Variants in ACOT7 observed in about 807,000 individuals in gnomAD.
The protein encoded by ACOT7 is acyl-CoA thioesterase 7.
Under a neutral mutation model 40.2 loss-of-function variants are expected in ACOT7, and 12 were observed. The ratio of observed to expected loss-of-function variants is 0.30; its 90% CI spans 0.19 to 0.48. The LOEUF is 0.48. ACOT7 is among the 20% of genes least tolerant of loss of function. The pLI, the probability that ACOT7 is intolerant of heterozygous loss-of-function variation, is 0.99. For synonymous variants in ACOT7, 228 were observed against 219.5 expected, an observed-to-expected ratio of 1.04 and a Z score of -0.34; for missense variants, 395 against 530.8, an observed-to-expected ratio of 0.74 and a Z score of 2.51.
Position 6,393,560 on chromosome 1 carries a change from G to T in ACOT7, c.-161C>A. ...AAGGCTGCAGAGAGCTCGCGCGGGC[G>T]TACGATTCTGGCGGCGTGGGGGCCC... On this transcript the variant is annotated 5_prime_UTR_variant, in exon 1 of 9. Coordinates refer to ENST00000361521, the MANE Select transcript of ACOT7 (RefSeq NM_007274.4). 1.7e-6 allele frequency: 1 copy of T among 594,810 alleles called. No homozygotes were observed. Among genetic ancestry groups the T allele is most frequent in the Non-Finnish European group, 2.4e-6 (1 of 419,936 alleles). The allele number at this position is 594,810 out of a possible 1,614,324, so 36.8% of individuals were successfully genotyped here.
intron 5 of ACOT7, among the ~76,000 whole-genome samples, chr1:6,319,478 C>T (rs893011132): frequency 2.0e-5 from 3 of 152,256 alleles, no homozygotes; most frequent in African/African-American, 7.2e-5. Flanking sequence ...CAGGCGTGAA[C>T]CACCTTGCCC....
chr1:6,389,860 T>A (rs544128273), intron 1 of ACOT7, among the ~76,000 whole-genome samples: 1 of 152,060 alleles, frequency 6.6e-6, no homozygotes, highest in African/African-American at 2.4e-5. Context: ...GTGTCTAAGA[T>A]GGTGGGAATT....
At chr1:6,322,289 A>T (rs1341368293) in intron 5 of ACOT7, among the ~76,000 whole-genome samples, 1 of 152,088 alleles carries the variant, frequency 6.6e-6, no homozygotes, top group African/African-American at 2.4e-5. Flanking sequence ...TTTTGGGAGG[A>T]GCTCCTCTAC....
intron 4 of ACOT7, 39 bp downstream of exon 4, chr1:6,333,438 C>T: frequency 6.2e-7 from 1 of 1,607,566 alleles, no homozygotes; most frequent in South Asian, 1.1e-5. Flanking sequence ...CTGATCTCTG[C>T]CATCTGCCCC....
At chr1:6,324,694 T>C (rs1328288085) in intron 5 of ACOT7, among the ~76,000 whole-genome samples, 1 of 152,132 alleles carries the variant, frequency 6.6e-6, no homozygotes, top group African/African-American at 2.4e-5. Context: ...CCATGTTCCA[T>C]CCAACCCTCT....
chr1:6,375,005 C>T (rs1428641698), intron 1 of ACOT7, among the ~76,000 whole-genome samples: 6 of 152,038 alleles, frequency 3.9e-5, no homozygotes, highest in African/African-American at 1.2e-4. Flanking sequence ...AGGCCGGGCG[C>T]GGTGGCTCAC....
intron 8 of ACOT7, among the ~76,000 whole-genome samples, chr1:6,273,580 A>C (rs1329796812): frequency 6.6e-6 from 1 of 152,250 alleles, no homozygotes; most frequent in African/African-American, 2.4e-5. Flanking sequence ...ACTAATGGCC[A>C]AACGCGGCAG....
intron 7 of ACOT7, among the ~76,000 whole-genome samples, chr1:6,284,303 G>A (rs1022937195): frequency 4.6e-5 from 7 of 152,146 alleles, no homozygotes; most frequent in Admixed American, 2.0e-4. Context: ...CAGACCGGGC[G>A]CAGTGGCTCA....
chr1:6,384,655 C>T (rs1438217598), intron 1 of ACOT7, among the ~76,000 whole-genome samples: 2 of 151,886 alleles, frequency 1.3e-5, no homozygotes, highest in African/African-American at 2.4e-5. Flanking sequence ...AGGTTGAAAG[C>T]GCTAACCCGC....
At chr1:6,273,486 T>C (rs1216363556) in intron 8 of ACOT7, among the ~76,000 whole-genome samples, 1 of 152,210 alleles carries the variant, frequency 6.6e-6, no homozygotes, top group Non-Finnish European at 1.5e-5. Flanking sequence ...CACTGGATTC[T>C]GAGCCTCATG....
intron 4 of ACOT7, among the ~76,000 whole-genome samples, chr1:6,328,762 G>T (rs537630701): frequency 6.6e-6 from 1 of 152,348 alleles, no homozygotes; most frequent in Non-Finnish European, 1.5e-5. Context: ...ACAGCAGGGG[G>T]ATACTGCATT....
At chr1:6,332,717 A>G (rs904068035) in intron 4 of ACOT7, among the ~76,000 whole-genome samples, 25 of 152,054 alleles carry the variant, frequency 1.6e-4, no homozygotes, top group African/African-American at 6.0e-4. Flanking sequence ...GCTACTCAGG[A>G]GGCTGAGGCA....
intron 3 of ACOT7, among the ~76,000 whole-genome samples, chr1:6,335,811 G>A (rs1050248814): frequency 2.0e-5 from 3 of 152,242 alleles, no homozygotes; most frequent in South Asian, 4.1e-4. Flanking sequence ...GGGAACCACA[G>A]GCAAATAATA....
chr1:6,385,736 T>G, intron 1 of ACOT7: 1 of 1,534,676 alleles, frequency 6.5e-7, no homozygotes, highest in Non-Finnish European at 8.8e-7. Context: ...AGCCTGTGTC[T>G]GCCTGGCCGG....
chr1:6,270,764 C>G (rs1054217739), intron 8 of ACOT7, among the ~76,000 whole-genome samples: 27 of 152,194 alleles, frequency 1.8e-4, no homozygotes, highest in African/African-American at 6.0e-4. Context: ...GTGTGTGTGT[C>G]TGTGTGGTGG....
At chr1:6,334,443 A>AG (rs1453776301) in intron 3 of ACOT7, among the ~76,000 whole-genome samples, 1 of 152,242 alleles carries the variant, frequency 6.6e-6, no homozygotes, top group Non-Finnish European at 1.5e-5. Context: ...AGAGCAGCCC[A>AG]GGGGAGGGGC....
rs539179501 is a variant in ACOT7, at chr1:6,314,181, G to A, written c.712+4311C>T. ...TTGGCTTTCGTAGTAACACCGTTTC[G>A]AGGGAAAGTAATCACAGTACCCCAC... On this transcript the variant is annotated intron_variant, in intron 6 of 8. Transcript: ENST00000361521. 2.6e-5 allele frequency among the ~76,000 whole-genome samples: 4 copies of A among 152,186 alleles called. No homozygotes were observed. In the East Asian group the frequency reaches 5.8e-4, roughly 22 times the overall value.
Position 6,301,768 on chromosome 1 carries a change from G to A in ACOT7, c.713-6788C>T, listed in dbSNP as rs1639979733. Among the ~76,000 whole-genome samples the A allele has an allele frequency of 6.6e-6, 1 of 152,166 alleles. No homozygotes were observed. Among genetic ancestry groups the A allele is most frequent in the African/African-American group, 2.4e-5 (1 of 41,440 alleles). ...GATGAGGGCAGGAAAAGCTCATCCG[G>A]TCCCAGAAACCCCAAAGCCAGGTGA... On this transcript the variant is annotated intron_variant, in intron 6 of 8. Coordinates refer to ENST00000361521, the MANE Select transcript of ACOT7 (RefSeq NM_007274.4). The surrounding 1 kb of genome is among the most constrained non-coding windows in gnomAD (Gnocchi z 4.1).
Position 6,311,842 on chromosome 1 carries a change from C to A in ACOT7, c.712+6650G>T, listed in dbSNP as rs970237520. Among the ~76,000 whole-genome samples the A allele has an allele frequency of 6.6e-6, 1 of 152,202 alleles. No individual in the cohort carries two copies. Among genetic ancestry groups the A allele is most frequent in the Non-Finnish European group, 1.5e-5 (1 of 68,036 alleles). Reference sequence around the variant, plus strand: ...CGGCAGTGCTGCCCCAGCCTGTCCCCGAGAATTCCCTGGGGAGCTTGGGAC... The same window carrying A: ...CGGCAGTGCTGCCCCAGCCTGTCCCAGAGAATTCCCTGGGGAGCTTGGGAC... On this transcript the variant is annotated intron_variant, in intron 6 of 8. Transcript: ENST00000361521. This position sits in a 1 kb window ranked among gnomAD's most constrained non-coding sequence, Gnocchi z 5.2.
Sources: allele counts gnomAD v4.1 joint callset (sites outside exome capture counted in the v4.1 genomes callset), GRCh38; gene constraint gnomAD v4.1.1; non-coding constraint Gnocchi (gnomAD v3.1); transcripts MANE v1.5; gene names NCBI Gene and HGNC (gene_info 2026-07-23, HGNC 2026-07-21).